RBM33: variants seen among roughly 807,000 people sequenced by gnomAD.
The protein encoded by RBM33 is RNA binding motif protein 33.
In RBM33, 28 loss-of-function variants were observed where a neutral mutation model predicts 132.6. The ratio of observed to expected loss-of-function variants is 0.21; its 90% CI spans 0.16 to 0.29. The LOEUF is 0.29. Among genes scored for constraint, RBM33 ranks in the 10% least tolerant of loss-of-function variants. RBM33 has a pLI of 1.00. For synonymous variants in RBM33, 634 were observed against 593.0 expected (o/e 1.07, Z -1.01); for missense variants, 1,291 against 1,518.5 (o/e 0.85, Z 2.49).
In RBM33 at chr7:155,739,831, G is replaced by A; in HGVS notation, c.1854G>A (p.Gln618=). ...AGCCCCCGCACCAGCCCCCGCCCCAGCACCAGCCCCCACCCCAGCACCCAC... is the reference window on the plus strand; with the variant it reads ...AGCCCCCGCACCAGCCCCCGCCCCAACACCAGCCCCCACCCCAGCACCCAC... ...PHQPPHQPPP[Q]HQPPPQHPPQ... Residue 618 remains glutamine, a synonymous_variant, in exon 12 of 18, where the codon CAG becomes CAA. Coordinates refer to ENST00000401878, the MANE Select transcript of RBM33 (RefSeq NM_053043.3). 4.9e-6 allele frequency: 1 copy of A among 205,472 alleles called. No homozygotes were observed. The highest frequency in any genetic ancestry group is 7.7e-6 in the Non-Finnish European group (1 of 130,026). The allele number at this position is 205,472 out of a possible 1,614,324, so 12.7% of individuals were successfully genotyped here.
At chr7:155,725,390 T>A (rs1800765135) in intron 9 of RBM33, among the ~76,000 whole-genome samples, 1 of 152,058 alleles carries the variant, frequency 6.6e-6, no homozygotes, top group Non-Finnish European at 1.5e-5. Context: ...TTTGGAAAGA[T>A]CAAATTGCTT....
rs754435306 is a variant in RBM33, at chr7:155,763,970, T to C, written c.3138T>C (p.Pro1046=). 7 of 1,594,970 alleles carry C rather than the reference T, an allele frequency of 4.4e-6. No homozygotes were observed. The highest frequency in any genetic ancestry group is 6.0e-6 in the Non-Finnish European group (7 of 1,170,904). ...CAGCGGGGCCCCACGCACACTCGCC[T>C]GTCCCTCCAGGGATCAAAAGCATCC... The part of the protein sequence containing the change: ...HLPAGPHAHS[P]VPPGIKSIQG... Residue 1046 remains proline (P), a synonymous_variant, in exon 15 of 18, where the codon CCT becomes CCC. Transcript: ENST00000401878.
rs187925505 is a variant in RBM33, at chr7:155,749,704, C to T, written c.2979+4102C>T. Among the ~76,000 whole-genome samples, 39 of 152,302 alleles carry T rather than the reference C, an allele frequency of 2.6e-4. No homozygotes were observed. In the East Asian group the frequency reaches 5.6e-3, roughly 22 times the overall value. On this transcript the variant is annotated intron_variant, in intron 14 of 17. Transcript: ENST00000401878. ...CTGAGAAGGATTTGATACATGAAAA[C>T]GCAGCCTGGATGGTAAGTAGCCTCA...
intron 14 of RBM33, among the ~76,000 whole-genome samples, chr7:155,755,270 C>T (rs1211253786): frequency 1.3e-5 from 2 of 152,168 alleles, no homozygotes; most frequent in African/African-American, 4.8e-5. Flanking sequence ...TAAGAGGCTG[C>T]CCTGGGACAC....
At position 155,666,811 on chromosome 7, in the gene RBM33, T is replaced by C. The variant is rs528287560; in HGVS notation, c.122+1558T>C. On this transcript the variant is annotated intron_variant, in intron 2 of 17. Transcript: ENST00000401878. ...ATTGTTTATAAGTATCTCCTCCCAG[T>C]CTGTGGCATGTGTTTCCTTAAAAAA... Among the ~76,000 whole-genome samples, 7 of 152,346 alleles carry C rather than the reference T, an allele frequency of 4.6e-5. No individual in the cohort carries two copies. In the South Asian group the frequency reaches 1.4e-3, roughly 32 times the overall value.
At chr7:155,762,701 G>A (rs777892432) in intron 14 of RBM33, among the ~76,000 whole-genome samples, 8 of 152,160 alleles carry the variant, frequency 5.3e-5, no homozygotes, top group African/African-American at 4.8e-5. Context: ...TAGGAAGAGC[G>A]GGACACAAGG....
chr7:155,674,550 A>C (rs1295488024), intron 3 of RBM33, among the ~76,000 whole-genome samples: 1 of 152,204 alleles, frequency 6.6e-6, no homozygotes, highest in Non-Finnish European at 1.5e-5. Flanking sequence ...GTTTCTTTCC[A>C]GAAAGCTGTG....
chr7:155,651,526 G>A (rs1798353166), intron 1 of RBM33, among the ~76,000 whole-genome samples: 1 of 142,046 alleles, frequency 7.0e-6, no homozygotes, highest in African/African-American at 2.6e-5. Context: ...GTTGTAGTGA[G>A]CCGAGATCGC....
intron 1 of RBM33, among the ~76,000 whole-genome samples, chr7:155,646,727 TTTG>T (rs1281720785): frequency 2.0e-5 from 3 of 152,218 alleles, no homozygotes; most frequent in African/African-American, 7.2e-5. Flanking sequence ...AGCACCTTTG[TTTG>T]TTTTCTTCAG....
intron 1 of RBM33, among the ~76,000 whole-genome samples, chr7:155,649,694 T>C (rs1382210138): frequency 1.3e-5 from 2 of 152,328 alleles, no homozygotes; most frequent in African/African-American, 4.8e-5. Flanking sequence ...AGAGACTCTA[T>C]TCCTTGTCTC....
chr7:155,729,773 A>G (rs1047421328), intron 9 of RBM33, among the ~76,000 whole-genome samples: 4 of 151,742 alleles, frequency 2.6e-5, no homozygotes, highest in Non-Finnish European at 4.4e-5. Flanking sequence ...TCTGTCATAC[A>G]TGTAAGAACT....
chr7:155,704,412 G>A (rs557986034), intron 6 of RBM33, among the ~76,000 whole-genome samples: 7 of 152,298 alleles, frequency 4.6e-5, no homozygotes, highest in African/African-American at 1.7e-4. Flanking sequence ...GGATGTTGTA[G>A]GGTGTAAGTG....
At chr7:155,645,207 A>C (rs1467940663) in intron 1 of RBM33, 2 of 361,374 alleles carry the variant, frequency 5.5e-6, no homozygotes, top group Admixed American at 4.9e-5. Flanking sequence ...GCGGGCATTA[A>C]GTGCCGAAGC....
intron 9 of RBM33, among the ~76,000 whole-genome samples, chr7:155,726,826 A>G (rs1800806927): frequency 6.6e-6 from 1 of 152,246 alleles, no homozygotes; most frequent in Admixed American, 6.5e-5. Flanking sequence ...ACTATGATGG[A>G]TAAAGCACTT....
At position 155,773,568 on chromosome 7, in the gene RBM33, C is replaced by CAAAAAAAAAAA. The variant is rs201127157; in HGVS notation, c.3376-974_3376-964dup. On this transcript the variant is annotated intron_variant, in intron 16 of 17. Transcript: ENST00000401878. ...AGGCAACAGTGCGAGACTCCATCTCCAAAAAAAAAAAAAAAAAAAAAAAAA... is the reference window on the plus strand; with the variant it reads ...AGGCAACAGTGCGAGACTCCATCTCCAAAAAAAAAAAAAAAAAAAAAAAAAAAAAAAAAAAA... Among the ~76,000 whole-genome samples the CAAAAAAAAAAA allele has an allele frequency of 5.9e-4, 30 of 50,476 alleles. 3 individuals carry two copies. The highest frequency in any genetic ancestry group is 2.2e-3 in the African/African-American group (26 of 11,986). The allele number at this position is 50,476 out of a possible 152,430, so 33.1% of individuals were successfully genotyped here.
In RBM33 at chr7:155,681,019, C is replaced by T. The variant is rs112517746; in HGVS notation, c.567+111C>T. 1.3e-3 allele frequency: 1,037 copies of T among 793,898 alleles called. 16 individuals carry two copies. The African/African-American group carries it at 0.016, about 12-fold the overall frequency. 49.2% of individuals were successfully genotyped at this position (793,898 alleles called of 1,614,324 possible). A position where few individuals can be genotyped will look rare whatever the true frequency, so the allele number is the denominator to read the frequency against. ...CCCTGGGAGGGAGGGGAAATTAGAC[C>T]TTATTATCACTCTCTGCCAGTTTCT... On this transcript the variant is annotated intron_variant, in intron 5 of 17. Coordinates refer to ENST00000401878, the MANE Select transcript of RBM33 (RefSeq NM_053043.3).
chr7:155,659,610 T>G (rs983201494), intron 1 of RBM33, among the ~76,000 whole-genome samples: 1 of 151,860 alleles, frequency 6.6e-6, no homozygotes, highest in African/African-American at 2.4e-5. Context: ...CACCACCAAG[T>G]GTACTTATAT....
chr7:155,645,931 T>G (rs994851204), intron 1 of RBM33, among the ~76,000 whole-genome samples: 3 of 152,368 alleles, frequency 2.0e-5, no homozygotes, highest in African/African-American at 7.2e-5. Flanking sequence ...CAAAAAAGAC[T>G]AAGTGTAGGA....
chr7:155,665,245 C>T lies in RBM33; in HGVS notation c.114C>T (p.Asp38=), dbSNP rs1475745083. The stretch of plus-strand genomic sequence containing the variant: ...GGAGAAGAAGAGCTGCTGATGAGGA[C>T]TGGGACAGGTACGTGCACCCTGTGC... The part of the protein sequence containing the change: ...RSWRRRAADE[D]WDSELEDDLL... Residue 38 remains aspartate, a synonymous_variant, in exon 2 of 18, where the codon GAC becomes GAT. Transcript: ENST00000401878. 9.9e-6 allele frequency: 16 copies of T among 1,613,738 alleles called. No individual in the cohort carries two copies. The highest frequency in any genetic ancestry group is 1.3e-5 in the African/African-American group (1 of 75,038).
Sources: allele counts gnomAD v4.1 joint callset (sites outside exome capture counted in the v4.1 genomes callset), GRCh38; gene constraint gnomAD v4.1.1; transcripts MANE v1.5; gene names NCBI Gene and HGNC (gene_info 2026-07-23, HGNC 2026-07-21).